BCAS3: variants seen among roughly 807,000 people sequenced by gnomAD.
BCAS3 encodes the protein BCAS3 microtubule associated cell migration factor.
A neutral mutation model predicts 116.1 loss-of-function variants in BCAS3; 53 were observed. The ratio of observed to expected loss-of-function variants is 0.46; its 90% CI spans 0.37 to 0.57. BCAS3 has a LOEUF of 0.57. Among genes scored for constraint, BCAS3 ranks in the 20% least tolerant of loss-of-function variants. The pLI, the probability that BCAS3 is intolerant of heterozygous loss-of-function variation, is 0.00. For missense variants in BCAS3, 917 were observed against 1,165.4 expected, an observed-to-expected ratio of 0.79 and a Z score of 3.10; for synonymous variants, 391 against 408.2, an observed-to-expected ratio of 0.96 and a Z score of 0.51.
At chr17:60,934,074 T>G (rs1315159171) in intron 13 of BCAS3, among the ~76,000 whole-genome samples, 2 of 152,120 alleles carry the variant, frequency 1.3e-5, no homozygotes, top group African/African-American at 4.8e-5. Context: ...CACAATACTT[T>G]TAGAACCTCG....
rs994491492 is a variant in BCAS3 at position 61,285,615 on chromosome 17, G to A, written c.2426-82712G>A. Reference sequence around the variant, plus strand: ...GATGCATGGACTTTGTGTAAATAATGTACTTCTAATTGGCTTTGATTAAGT... The same window carrying A: ...GATGCATGGACTTTGTGTAAATAATATACTTCTAATTGGCTTTGATTAAGT... On this transcript the variant is annotated intron_variant, in intron 22 of 23. Coordinates refer to ENST00000407086, the MANE Select transcript of BCAS3 (RefSeq NM_017679.5). The surrounding 1 kb of genome is among the most constrained non-coding windows in gnomAD (Gnocchi z 5.4). 6.6e-6 allele frequency among the ~76,000 whole-genome samples: 1 copy of A among 152,194 alleles called. No individual in the cohort carries two copies. The highest frequency in any genetic ancestry group is 1.5e-5 in the Non-Finnish European group (1 of 68,032).
At chr17:61,018,661 A>G (rs2065657757) in intron 16 of BCAS3, among the ~76,000 whole-genome samples, 1 of 152,106 alleles carries the variant, frequency 6.6e-6, no homozygotes, top group East Asian at 1.9e-4. Context: ...CTCTGCCTGC[A>G]TAAACACTAA....
chr17:61,357,795 T>A (rs575884981), intron 22 of BCAS3, among the ~76,000 whole-genome samples: 2 of 150,486 alleles, frequency 1.3e-5, no homozygotes, highest in East Asian at 3.9e-4. Context: ...TACAAAAAAA[T>A]AATTAGGAAA....
chr17:61,190,507 A>G (rs1271950338), intron 22 of BCAS3, among the ~76,000 whole-genome samples: 1 of 105,312 alleles, frequency 9.5e-6, no homozygotes, highest in East Asian at 3.5e-4. Context: ...AGCCTGGGCT[A>G]TGGAACAAGA....
rs1244705640 is a variant in BCAS3, at chr17:61,279,281, T to C, written c.2426-89046T>C. Among the ~76,000 whole-genome samples the C allele has an allele frequency of 6.6e-6, 1 of 152,140 alleles. No homozygotes were observed. The highest frequency in any genetic ancestry group is 1.5e-5 in the Non-Finnish European group (1 of 68,034). ...TACTTTAAGTGGGTGAATTGTATGT[T>C]AGGTGAATTATATCTCAATAAATCT... On this transcript the variant is annotated intron_variant, in intron 22 of 23. Coordinates refer to ENST00000407086, the MANE Select transcript of BCAS3 (RefSeq NM_017679.5). The surrounding 1 kb of genome is among the most constrained non-coding windows in gnomAD (Gnocchi z 4.4).
Position 61,256,025 on chromosome 17 carries a change from T to A in BCAS3, c.2426-112302T>A, listed in dbSNP as rs2048752263. On this transcript the variant is annotated intron_variant, in intron 22 of 23. Coordinates refer to ENST00000407086, the MANE Select transcript of BCAS3 (RefSeq NM_017679.5). The surrounding 1 kb of genome is among the most constrained non-coding windows in gnomAD (Gnocchi z 5.6). ...TTTCTGAAACTCCGAGTCATAATTGTACCATATTTATTTTCTGATTTTTTT... is the reference window on the plus strand; with the variant it reads ...TTTCTGAAACTCCGAGTCATAATTGAACCATATTTATTTTCTGATTTTTTT... 6.6e-6 allele frequency among the ~76,000 whole-genome samples: 1 copy of A among 152,224 alleles called. No individual in the cohort carries two copies. Among genetic ancestry groups the A allele is most frequent in the Admixed American group, 6.5e-5 (1 of 15,286 alleles).
chr17:61,030,796 C>A (rs1238886053), intron 16 of BCAS3, among the ~76,000 whole-genome samples: 2 of 151,246 alleles, frequency 1.3e-5, no homozygotes, highest in Non-Finnish European at 3.0e-5. Flanking sequence ...GAATTTATTC[C>A]ATTTTTTCTT....
At position 60,994,024 on chromosome 17, in the gene BCAS3, A is replaced by T. The variant is rs1425784638; in HGVS notation, c.1486+3789A>T. On this transcript the variant is annotated intron_variant, in intron 15 of 23. Coordinates refer to ENST00000407086, the MANE Select transcript of BCAS3 (RefSeq NM_017679.5). The surrounding 1 kb of genome is among the most constrained non-coding windows in gnomAD (Gnocchi z 4.4). ...GATCCATGAACAGGATAGGAAAAAA[A>T]TTTACATCTTTATATTCACTATCCT... Among the ~76,000 whole-genome samples, 1 of 152,112 alleles carries T rather than the reference A, an allele frequency of 6.6e-6. No homozygotes were observed. The highest frequency in any genetic ancestry group is 2.4e-5 in the African/African-American group (1 of 41,424).
rs909846167 is a variant in BCAS3 at position 61,229,538 on chromosome 17, T to C, written c.2426-138789T>C. Among the ~76,000 whole-genome samples the C allele has an allele frequency of 6.6e-6, 1 of 152,222 alleles. No individual in the cohort carries two copies. Among genetic ancestry groups the C allele is most frequent in the Non-Finnish European group, 1.5e-5 (1 of 68,042 alleles). ...TCAGTGCCTGGCTTCAAAGCTTCAATTGAAGGACAGGCTGATACACAATGG... is the reference window on the plus strand; with the variant it reads ...TCAGTGCCTGGCTTCAAAGCTTCAACTGAAGGACAGGCTGATACACAATGG... On this transcript the variant is annotated intron_variant, in intron 22 of 23. Transcript: ENST00000407086. This position sits in a 1 kb window ranked among gnomAD's most constrained non-coding sequence, Gnocchi z 4.4.
chr17:60,762,958 G>T (rs2043690591), intron 6 of BCAS3, among the ~76,000 whole-genome samples: 1 of 152,086 alleles, frequency 6.6e-6, no homozygotes, highest in African/African-American at 2.4e-5. Context: ...TCTCTTTGTA[G>T]CAGTTGTGAA....
chr17:60,925,152 C>T (rs1386545645), intron 13 of BCAS3, among the ~76,000 whole-genome samples: 2 of 152,000 alleles, frequency 1.3e-5, no homozygotes, highest in Non-Finnish European at 2.9e-5. Flanking sequence ...AACTCCTGGC[C>T]TCAAGTAATT....
chr17:60,692,810 G>C (rs1033602759), intron 4 of BCAS3, among the ~76,000 whole-genome samples: 1 of 151,630 alleles, frequency 6.6e-6, no homozygotes, highest in African/African-American at 2.4e-5. Context: ...GAGGAGAATC[G>C]TTTGAACCCA....
chr17:61,086,588 A>C, intron 22 of BCAS3: 5 of 639,598 alleles, frequency 7.8e-6, no homozygotes, highest in Non-Finnish European at 9.7e-6. Context: ...AATTTGCATC[A>C]GAGATACACT....
intron 22 of BCAS3, among the ~76,000 whole-genome samples, chr17:61,253,610 G>A (rs747587755): frequency 2.6e-5 from 4 of 151,610 alleles, no homozygotes; most frequent in South Asian, 2.1e-4. Flanking sequence ...GTAGTAGAAG[G>A]TCAGACCCAG....
At chr17:60,903,370 A>G (rs1046050868) in intron 11 of BCAS3, among the ~76,000 whole-genome samples, 7 of 152,242 alleles carry the variant, frequency 4.6e-5, no homozygotes, top group African/African-American at 1.7e-4. Context: ...TTGATCACAG[A>G]CGCTTACATG....
chr17:60,898,299 A>C (rs144892479), intron 10 of BCAS3, among the ~76,000 whole-genome samples: 2 of 152,266 alleles, frequency 1.3e-5, no homozygotes, highest in African/African-American at 4.8e-5. Context: ...CTTTACATTG[A>C]TATTTGCACA....
At chr17:60,836,925 A>G (rs1370551805) in intron 7 of BCAS3, among the ~76,000 whole-genome samples, 1 of 152,218 alleles carries the variant, frequency 6.6e-6, no homozygotes, top group East Asian at 1.9e-4. Flanking sequence ...AAGTTTTAAA[A>G]TGTGCTAATT....
intron 7 of BCAS3, among the ~76,000 whole-genome samples, chr17:60,867,419 A>C (rs567251523): frequency 6.6e-6 from 1 of 152,080 alleles, no homozygotes; most frequent in Non-Finnish European, 1.5e-5. Context: ...GTAGGTTTTT[A>C]AAAAACCATT....
chr17:61,385,933 G>A (rs184550481), intron 23 of BCAS3, among the ~76,000 whole-genome samples: 4 of 152,312 alleles, frequency 2.6e-5, no homozygotes, highest in South Asian at 2.1e-4. Flanking sequence ...CCCAAGCTCC[G>A]GTGGAAGCCA....
Sources: allele counts gnomAD v4.1 joint callset (sites outside exome capture counted in the v4.1 genomes callset), GRCh38; gene constraint gnomAD v4.1.1; non-coding constraint Gnocchi (gnomAD v3.1); transcripts MANE v1.5; gene names NCBI Gene and HGNC (gene_info 2026-07-23, HGNC 2026-07-21).